Variants in HIBCH observed in about 807,000 individuals in gnomAD.
HIBCH encodes 3-hydroxyisobutyryl-CoA hydrolase.
A neutral mutation model predicts 58.2 loss-of-function variants in HIBCH; 50 were observed. That is an observed-to-expected ratio of 0.86 (90% CI 0.68 to 1.09). HIBCH has a LOEUF of 1.09. HIBCH is among the 50% of genes least tolerant of loss of function. The probability of loss-of-function intolerance (pLI) is 0.00; values close to 1 mark genes in which losing one functional copy is unlikely to be tolerated. For synonymous variants in HIBCH, 151 were observed against 146.9 expected (o/e 1.03, Z -0.20); for missense variants, 450 against 449.7 (o/e 1.00, Z -0.01).
chr2:190,192,426 TTG>T (rs1389181270), intron 1 of HIBCH, among the ~76,000 whole-genome samples: 3 of 149,524 alleles, frequency 2.0e-5, no homozygotes, highest in African/African-American at 2.5e-5. Flanking sequence ...CCATTCTAGT[TTG>T]TGTTTCCATG....
At chr2:190,264,877 C>CTTTG (rs1035747757) in intron 6 of HIBCH, among the ~76,000 whole-genome samples, 3 of 152,128 alleles carry the variant, frequency 2.0e-5, no homozygotes, top group Middle Eastern at 6.8e-3. Context: ...AATCCCAGCA[C>CTTTG]TTTGGGAGGC....
intron 9 of HIBCH, 46 bp downstream of exon 9, chr2:190,249,594 C>T (rs769784383): frequency 7.3e-6 from 8 of 1,090,796 alleles, no homozygotes; most frequent in Admixed American, 3.5e-5. Context: ...AATCACTTCC[C>T]CTCCCCATGA....
At chr2:190,198,714 A>C (rs1690097595) in intron 1 of HIBCH, among the ~76,000 whole-genome samples, 1 of 133,642 alleles carries the variant, frequency 7.5e-6, no homozygotes, top group African/African-American at 3.0e-5. Context: ...TCCCAAAACT[A>C]AGATACAATC....
In HIBCH at chr2:190,206,413, C is replaced by T. The variant is rs1031801584; in HGVS notation, c.1046-1181G>A. ...ACTCTAAGTCTTCTGGTCAATACTA[C>T]CTGTCTCCTTGAGATCCCACTGAAG... On this transcript the variant is annotated intron_variant, in intron 13 of 13. Coordinates refer to ENST00000359678, the MANE Select transcript of HIBCH (RefSeq NM_014362.4). The surrounding 1 kb of genome is among the most constrained non-coding windows in gnomAD (Gnocchi z 5.1). Among the ~76,000 whole-genome samples, 3 of 152,196 alleles carry T rather than the reference C, an allele frequency of 2.0e-5. No homozygotes were observed. In the East Asian group the frequency reaches 5.8e-4, roughly 29 times the overall value.
At chr2:190,223,940 C>A (rs572015596) in intron 11 of HIBCH, among the ~76,000 whole-genome samples, 166 of 152,322 alleles carry the variant, frequency 1.1e-3, no homozygotes, top group Non-Finnish European at 1.9e-3. Context: ...AGAATATGAG[C>A]CAAAGCAGGG....
chr2:190,216,660 T>G lies in HIBCH; in HGVS notation c.892-3585A>C, dbSNP rs1303743792. ...GAATTCTTTTTATCTAAAATGGGAT[T>G]TTTAAATGCTGGTTATCAGTTCAAA... On this transcript the variant is annotated intron_variant, in intron 11 of 13. Coordinates refer to ENST00000359678, the MANE Select transcript of HIBCH (RefSeq NM_014362.4). This position sits in a 1 kb window ranked among gnomAD's most constrained non-coding sequence, Gnocchi z 4.2. Among the ~76,000 whole-genome samples the G allele has an allele frequency of 6.6e-6, 1 of 152,182 alleles. No homozygotes were observed. Among genetic ancestry groups the G allele is most frequent in the African/African-American group, 2.4e-5 (1 of 41,436 alleles).
intron 6 of HIBCH, among the ~76,000 whole-genome samples, chr2:190,263,316 C>A (rs948335736): frequency 6.6e-6 from 1 of 152,196 alleles, no homozygotes; most frequent in African/African-American, 2.4e-5. Context: ...AAGCTGAACA[C>A]TAGCTAAATA....
At chr2:190,261,322 A>G (rs1415472824) in intron 6 of HIBCH, 88 bp from the exon 7 acceptor site, 1 of 948,814 alleles carries the variant, frequency 1.1e-6, no homozygotes, top group Non-Finnish European at 1.7e-6. Context: ...AAAATTACAA[A>G]GCAAGTAAAT....
chr2:190,277,575 G>A (rs1323525243), intron 6 of HIBCH, among the ~76,000 whole-genome samples: 1 of 152,142 alleles, frequency 6.6e-6, no homozygotes, highest in African/African-American at 2.4e-5. Context: ...TGTTAAATAA[G>A]CAGAAGCCAT....
chr2:190,274,503 T>C (rs1455746234), intron 6 of HIBCH, among the ~76,000 whole-genome samples: 1 of 152,250 alleles, frequency 6.6e-6, no homozygotes, highest in East Asian at 1.9e-4. Flanking sequence ...TCTCTAGTCA[T>C]GACAACATGC....
chr2:190,294,022 G>GTGTATATATATATATATATATA (rs755751586), intron 4 of HIBCH, among the ~76,000 whole-genome samples: 1 of 83,016 alleles, frequency 1.2e-5, no homozygotes, highest in Non-Finnish European at 2.6e-5. Context: ...TATTTTGTGT[G>GTGTATATATATATATATATATA]TATATATATA....
rs16832465 is a variant in HIBCH, at chr2:190,245,257, T to C, written c.810-289A>G. On this transcript the variant is annotated intron_variant, in intron 10 of 13. Transcript: ENST00000359678. ...ATGAAAAATCGATGCTTCTAAATTG[T>C]AGAGATGGTTGTCTTATTTTCTAAT... 1,047 of 334,706 alleles carry C rather than the reference T, an allele frequency of 3.1e-3. 13 individuals are homozygous for C. The highest frequency in any genetic ancestry group is 0.021 in the African/African-American group (988 of 47,252). The allele number at this position is 334,706 out of a possible 1,614,324, so 20.7% of individuals were successfully genotyped here. A position where few individuals can be genotyped will look rare whatever the true frequency, so the allele number is the denominator to read the frequency against.
Position 190,251,510 on chromosome 2 carries a change from C to T in HIBCH, c.663+652G>A, listed in dbSNP as rs898881933. The T allele has an allele frequency of 6.7e-6, 3 of 445,258 alleles. No homozygotes were observed. The Admixed American group carries it at 7.8e-5, about 12-fold the overall frequency. 27.6% of individuals were successfully genotyped at this position (445,258 alleles called of 1,614,324 possible). A position where few individuals can be genotyped will look rare whatever the true frequency, so the allele number is the denominator to read the frequency against. On this transcript the variant is annotated intron_variant, in intron 8 of 13. Transcript: ENST00000359678. ...CTACCTTGAATTGGGTCTTCTGCCA[C>T]ATGTAACACAAGGAGTTTCAACTAC...
At chr2:190,293,937 TAA>T (rs1183930632) in intron 4 of HIBCH, among the ~76,000 whole-genome samples, 5 of 149,764 alleles carry the variant, frequency 3.3e-5, no homozygotes, top group African/African-American at 1.2e-4. Flanking sequence ...TTATGAAAAA[TAA>T]AGAGAGTTTC....
intron 6 of HIBCH, among the ~76,000 whole-genome samples, chr2:190,275,645 A>T (rs1366471212): frequency 6.6e-6 from 1 of 152,238 alleles, no homozygotes; most frequent in Non-Finnish European, 1.5e-5. Flanking sequence ...AGTTGTGAAA[A>T]GTTTGTGAGG....
intron 2 of HIBCH, among the ~76,000 whole-genome samples, chr2:190,300,664 T>A (rs891700146): frequency 6.6e-6 from 1 of 152,180 alleles, no homozygotes; most frequent in African/African-American, 2.4e-5. Flanking sequence ...TAATTAGATC[T>A]CATTTGTCAA....
chr2:190,190,508 T>C (rs754823373), intron 1 of HIBCH, among the ~76,000 whole-genome samples: 8 of 152,250 alleles, frequency 5.3e-5, no homozygotes, highest in Non-Finnish European at 1.0e-4. Flanking sequence ...AAAGAGGCTA[T>C]GGATATTGGT....
chr2:190,194,154 T>C (rs918319686), intron 1 of HIBCH, among the ~76,000 whole-genome samples: 1 of 152,218 alleles, frequency 6.6e-6, no homozygotes, highest in Non-Finnish European at 1.5e-5. Flanking sequence ...TGAAATCTGC[T>C]GAGACTACCA....
intron 10 of HIBCH, chr2:190,245,493 CT>C (rs1686580336): frequency 6.5e-6 from 1 of 154,108 alleles, no homozygotes; most frequent in Non-Finnish European, 1.4e-5. Context: ...TGCACAAAAT[CT>C]TTTTGCTGTT....
Sources: gnomAD v4.1 joint callset for allele counts (sites outside exome capture counted in the v4.1 genomes callset) on GRCh38, gnomAD v4.1.1 for gene constraint, Gnocchi (gnomAD v3.1) non-coding constraint, MANE v1.5 for transcripts, NCBI Gene and HGNC (gene_info 2026-07-23, HGNC 2026-07-21) for gene names.